Variants in IRAK2 observed in about 807,000 individuals in gnomAD.
IRAK2 encodes interleukin-1 receptor-associated kinase-like 2.
IRAK2 carries 57 observed loss-of-function variants against 72.0 expected under a neutral mutation model. The ratio of observed to expected loss-of-function variants is 0.79; its 90% confidence interval spans 0.64 to 0.99. The LOEUF (loss-of-function observed/expected upper bound fraction) is 0.99. IRAK2 is among the 50% of genes least tolerant of loss of function. The probability of loss-of-function intolerance (pLI) is 0.00; values close to 1 mark genes in which losing one functional copy is unlikely to be tolerated. For synonymous variants in IRAK2, 293 were observed against 312.7 expected, an observed-to-expected ratio of 0.94 and a Z score of 0.67; for missense variants, 790 against 794.4, an observed-to-expected ratio of 0.99 and a Z score of 0.07.
At chr3:10,181,970 C>CTT (rs376518112) in intron 2 of IRAK2, among the ~76,000 whole-genome samples, 24 of 131,828 alleles carry the variant, frequency 1.8e-4, no homozygotes, top group South Asian at 4.7e-4. Context: ...TTTTTCTTTT[C>CTT]TTTTTTTTTT....
chr3:10,165,579 T>A (rs1430327112), intron 1 of IRAK2, among the ~76,000 whole-genome samples: 1 of 152,088 alleles, frequency 6.6e-6, no homozygotes, highest in East Asian at 1.9e-4. Context: ...CACTGCAACC[T>A]CCACCTCTGG....
intron 10 of IRAK2, among the ~76,000 whole-genome samples, chr3:10,228,077 C>T (rs1490913450): frequency 2.0e-5 from 3 of 152,120 alleles, no homozygotes; most frequent in African/African-American, 4.8e-5. Flanking sequence ...TGTCTCACGC[C>T]CCTCAGTGAG....
At chr3:10,207,820 C>G (rs551327962) in intron 3 of IRAK2, among the ~76,000 whole-genome samples, 1 of 152,100 alleles carries the variant, frequency 6.6e-6, no homozygotes, top group South Asian at 2.1e-4. Context: ...TGGTGAAACC[C>G]CATCTCTAAT....
intron 2 of IRAK2, among the ~76,000 whole-genome samples, chr3:10,195,873 A>G (rs1032718883): frequency 6.6e-6 from 1 of 152,146 alleles, no homozygotes; most frequent in African/African-American, 2.4e-5. Context: ...CCAGGAGCAT[A>G]AGCCCCACTT....
chr3:10,178,310 A>T (rs572106674), intron 2 of IRAK2, among the ~76,000 whole-genome samples: 56 of 152,174 alleles, frequency 3.7e-4, no homozygotes, highest in Admixed American at 3.0e-3. Flanking sequence ...ATACAAAATT[A>T]GCTGGGCTTG....
rs144713488 is a variant in IRAK2 at position 10,170,632 on chromosome 3, G to A, written c.94+5584G>A. 4.6e-5 allele frequency among the ~76,000 whole-genome samples: 7 copies of A among 152,320 alleles called. No individual in the cohort carries two copies. In the East Asian group the frequency reaches 1.3e-3, roughly 29 times the overall value. On this transcript the variant is annotated intron_variant, in intron 1 of 12. Coordinates refer to ENST00000256458, the MANE Select transcript of IRAK2 (RefSeq NM_001570.4). ...TGGAATGGAAGCCCCGTGCGGGCAGGGGCCTTACCTGTCTAGTTTTTCACT... is the reference window on the plus strand; with the variant it reads ...TGGAATGGAAGCCCCGTGCGGGCAGAGGCCTTACCTGTCTAGTTTTTCACT...
rs113059610 is a variant in IRAK2 at position 10,221,613 on chromosome 3, G to A, written c.1014-1023G>A. Reference sequence around the variant, plus strand: ...TTTGCCCAGGCTGGAGTACAGTGGCGCAATCTCAGCTCACCGCAGCTTCCC... The same window carrying A: ...TTTGCCCAGGCTGGAGTACAGTGGCACAATCTCAGCTCACCGCAGCTTCCC... On this transcript the variant is annotated intron_variant, in intron 8 of 12. Coordinates refer to ENST00000256458, the MANE Select transcript of IRAK2 (RefSeq NM_001570.4). Among the ~76,000 whole-genome samples, 1,099 of 151,834 alleles carry A rather than the reference G, an allele frequency of 7.2e-3. 11 individuals are homozygous for A. The highest frequency in any genetic ancestry group is 0.025 in the African/African-American group (1,039 of 41,398).
At chr3:10,232,252 A>G (rs971330410) in intron 10 of IRAK2, among the ~76,000 whole-genome samples, 1 of 152,224 alleles carries the variant, frequency 6.6e-6, no homozygotes, top group Non-Finnish European at 1.5e-5. Context: ...ACTGTCTCAC[A>G]TTCTGGGTTT....
At chr3:10,223,291 C>A (rs1316529850) in intron 9 of IRAK2, among the ~76,000 whole-genome samples, 1 of 152,204 alleles carries the variant, frequency 6.6e-6, no homozygotes, top group Non-Finnish European at 1.5e-5. Context: ...ATCCATCTAC[C>A]CTTTAGCTGC....
At chr3:10,170,835 G>A (rs708031) in intron 1 of IRAK2, among the ~76,000 whole-genome samples, 74,087 of 152,064 alleles carry the variant, frequency 0.49, 18,514 homozygotes, top group Admixed American at 0.53. Context: ...CGGTGCCTCC[G>A]GCCCACTGCT....
In IRAK2 at chr3:10,213,206, G is replaced by A; in HGVS notation, c.529-1G>A. The A allele has an allele frequency of 6.2e-7, 1 of 1,613,746 alleles. No individual in the cohort carries two copies. On this transcript the variant is annotated splice_acceptor_variant, in intron 4 of 12. Coordinates refer to ENST00000256458, the MANE Select transcript of IRAK2 (RefSeq NM_001570.4). LOFTEE classifies it high-confidence loss of function. Reference sequence around the variant, plus strand: ...TCCATCTCTTCTCTCTGGGTCTCCAGGACTTCAGCACCTCCATTCCTAAGC... The same window carrying A: ...TCCATCTCTTCTCTCTGGGTCTCCAAGACTTCAGCACCTCCATTCCTAAGC...
At position 10,169,526 on chromosome 3, in the gene IRAK2, G is replaced by A. The variant is rs140292495; in HGVS notation, c.94+4478G>A. ...TCAGCGATATTTCTCCTACTCACACGTCCATCTATAGGCTCTCTGTGAGAA... is the reference window on the plus strand; with the variant it reads ...TCAGCGATATTTCTCCTACTCACACATCCATCTATAGGCTCTCTGTGAGAA... On this transcript the variant is annotated intron_variant, in intron 1 of 12. Coordinates refer to ENST00000256458, the MANE Select transcript of IRAK2 (RefSeq NM_001570.4). Among the ~76,000 whole-genome samples, 345 of 152,186 alleles carry A rather than the reference G, an allele frequency of 2.3e-3. 2 individuals are homozygous for A. Among genetic ancestry groups the A allele is most frequent in the African/African-American group, 7.8e-3 (323 of 41,528 alleles).
rs1180688847 is a variant in IRAK2, at chr3:10,171,061, G to C, written c.94+6013G>C. ...CAGACAGCCACGCTCTTTCAGATCC[G>C]ACACTTGTTGGCAGATAATCTGGCC... On this transcript the variant is annotated intron_variant, in intron 1 of 12. Coordinates refer to ENST00000256458, the MANE Select transcript of IRAK2 (RefSeq NM_001570.4). Among the ~76,000 whole-genome samples the C allele has an allele frequency of 2.6e-5, 4 of 152,334 alleles. No homozygotes were observed. In the East Asian group the frequency reaches 5.8e-4, roughly 22 times the overall value.
At chr3:10,179,033 C>G (rs896393448) in intron 2 of IRAK2, among the ~76,000 whole-genome samples, 1 of 152,186 alleles carries the variant, frequency 6.6e-6, no homozygotes, top group Non-Finnish European at 1.5e-5. Context: ...ATCCTCCTGC[C>G]TTGGCCTCCC....
At chr3:10,232,198 G>A (rs1000911809) in intron 10 of IRAK2, among the ~76,000 whole-genome samples, 6 of 152,188 alleles carry the variant, frequency 3.9e-5, no homozygotes, top group Admixed American at 6.5e-5. Context: ...TTTGGATGTC[G>A]TTGGATTTTT....
intron 12 of IRAK2, among the ~76,000 whole-genome samples, chr3:10,240,079 G>A (rs190304734): frequency 5.2e-4 from 78 of 151,260 alleles, no homozygotes; most frequent in Middle Eastern, 3.4e-3. Context: ...CCCAAGAGGC[G>A]GAGGTTGCAG....
intron 12 of IRAK2, among the ~76,000 whole-genome samples, chr3:10,241,642 T>C (rs376450596): frequency 5.8e-4 from 88 of 151,690 alleles, no homozygotes; most frequent in African/African-American, 2.0e-3. Flanking sequence ...CACGCCTGTC[T>C]GTAATCCTAG....
At chr3:10,171,088 C>T (rs767277419) in intron 1 of IRAK2, among the ~76,000 whole-genome samples, 7 of 152,218 alleles carry the variant, frequency 4.6e-5, no homozygotes, top group Non-Finnish European at 1.0e-4. Context: ...AATCTGGCCA[C>T]GCCTAGTTCT....
intron 12 of IRAK2, among the ~76,000 whole-genome samples, chr3:10,239,884 T>G (rs552500744): frequency 6.6e-6 from 1 of 151,658 alleles, no homozygotes; most frequent in East Asian, 2.0e-4. Flanking sequence ...CGGTGGCTCA[T>G]GCCTGTAATC....
Sources: allele counts gnomAD v4.1 joint callset (sites outside exome capture counted in the v4.1 genomes callset), GRCh38; gene constraint gnomAD v4.1.1; transcripts MANE v1.5; gene names NCBI Gene and HGNC (gene_info 2026-07-23, HGNC 2026-07-21).